Variants in ANK3 observed in about 807,000 individuals in gnomAD.
ANK3 encodes ankyrin-3.
ANK3 carries 57 observed loss-of-function variants against 370.9 expected under a neutral mutation model. The observed-to-expected ratio is 0.15, with a 90% confidence interval of 0.12 to 0.19. The LOEUF (loss-of-function observed/expected upper bound fraction) is 0.19. Ranked by LOEUF, ANK3 falls within the 10% of genes least tolerant of loss-of-function variation. ANK3 has a pLI of 1.00. For missense variants in ANK3, 4,439 were observed against 5,302.1 expected (o/e 0.84, Z 5.06); for synonymous variants, 1,929 against 1,946.3 (o/e 0.99, Z 0.23).
intron 1 of ANK3, among the ~76,000 whole-genome samples, chr10:60,285,042 A>G (rs2098223943): frequency 6.6e-6 from 1 of 152,092 alleles, no homozygotes; most frequent in South Asian, 2.1e-4. Flanking sequence ...CTTGCAAGTG[A>G]TGATCGCCTC....
At chr10:60,463,015 C>T (rs1452264658) in intron 2 of ANK3, among the ~76,000 whole-genome samples, 3 of 152,208 alleles carry the variant, frequency 2.0e-5, no homozygotes, top group Middle Eastern at 6.8e-3. Flanking sequence ...GTGATCCTCC[C>T]ACCTCAGTCT....
At chr10:60,105,563 T>C (rs1026111427) in intron 28 of ANK3, among the ~76,000 whole-genome samples, 2 of 152,220 alleles carry the variant, frequency 1.3e-5, no homozygotes, top group Non-Finnish European at 2.9e-5. Context: ...ACATATTTTC[T>C]TCAAAATGCT....
At chr10:60,176,389 G>C (rs1347820139) in intron 18 of ANK3, among the ~76,000 whole-genome samples, 1 of 138,468 alleles carries the variant, frequency 7.2e-6, no homozygotes, top group African/African-American at 2.7e-5. Flanking sequence ...AAAAAAGAAA[G>C]AAAAAAAAAC....
intron 23 of ANK3, chr10:60,140,396 T>C (rs569791419): frequency 5.9e-5 from 95 of 1,613,770 alleles, no homozygotes; most frequent in Non-Finnish European, 7.7e-5. Context: ...ATCAAATGTT[T>C]TCCTGATGTT....
In ANK3 at chr10:60,075,346, A is replaced by T; in HGVS notation, c.5535T>A (p.Phe1845Leu). ...ACAGCAAGGCTGCTGCTGATTTTGT[A>T]AATGAATTAGAGTCTGGAAGTTTCT... ...ALKKLPDSNS[F>L]TKSAAALLSP... Residue 1845 changes from phenylalanine to leucine, a missense_variant, in exon 37 of 44, where the codon TTT becomes TTA. By Grantham distance (22) the Phe-to-Leu change is conservative. This residue lies in a region of ANK3 where 679 missense variants were observed against 791.0 expected (regional missense o/e 0.86). Transcript: ENST00000280772. 1 of 1,614,142 alleles carries T rather than the reference A, an allele frequency of 6.2e-7. No individual in the cohort carries two copies. Among genetic ancestry groups the T allele is most frequent in the Non-Finnish European group, 8.5e-7 (1 of 1,180,012 alleles).
Position 60,026,620 on chromosome 10 carries a change from GGAT to G in ANK3, c.*3223_*3225del, listed in dbSNP as rs2072415951. 6.6e-6 allele frequency: 1 copy of G among 152,178 alleles called. No individual in the cohort carries two copies. The highest frequency in any genetic ancestry group is 2.1e-4 in the South Asian group (1 of 4,824). 9.4% of individuals were successfully genotyped at this position (152,178 alleles called of 1,614,324 possible). A position where few individuals can be genotyped will look rare whatever the true frequency, so the allele number is the denominator to read the frequency against. Reference sequence around the variant, plus strand: ...AATCCTCAGTCTTGATGGAACTCCAGGATGATACCAAATGAACAGCGAGGAACA... The same window carrying G: ...AATCCTCAGTCTTGATGGAACTCCAGGATACCAAATGAACAGCGAGGAACA... On this transcript the variant is annotated 3_prime_UTR_variant, in exon 44 of 44. Coordinates refer to ENST00000280772, the MANE Select transcript of ANK3 (RefSeq NM_020987.5).
intron 1 of ANK3, among the ~76,000 whole-genome samples, chr10:60,704,337 A>G (rs2079583715): frequency 6.6e-6 from 1 of 152,206 alleles, no homozygotes. Context: ...TCAATTTAAT[A>G]CCAGCTGAAA....
At chr10:60,387,261 T>C (rs1215309487) in intron 1 of ANK3, among the ~76,000 whole-genome samples, 2 of 152,132 alleles carry the variant, frequency 1.3e-5, no homozygotes, top group Non-Finnish European at 2.9e-5. Context: ...TTTATTGACA[T>C]GAGGTCTACA....
chr10:60,569,713 C>T (rs932487735), intron 2 of ANK3, among the ~76,000 whole-genome samples: 9 of 152,154 alleles, frequency 5.9e-5, no homozygotes, highest in African/African-American at 1.9e-4. Flanking sequence ...TACCCAAATG[C>T]CCTAAGCATG....
chr10:60,073,776 C>T lies in ANK3; in HGVS notation c.7105G>A (p.Asp2369Asn), dbSNP rs759636712. 1.7e-5 allele frequency: 28 copies of T among 1,613,738 alleles called. No individual in the cohort carries two copies. The highest frequency in any genetic ancestry group is 2.3e-5 in the Non-Finnish European group (27 of 1,179,980). ...YVYQKDLSRG[D>N]INLKDFLPEK... ...GGCAGAAAATCTTTTAGGTTAATATCTCCCCGGGATAAGTCTTTCTGATAT... is the reference window on the plus strand; with the variant it reads ...GGCAGAAAATCTTTTAGGTTAATATTTCCCCGGGATAAGTCTTTCTGATAT... The change falls in exon 37 of 44, where the codon GAT becomes AAT. Residue 2369 changes from aspartate (D) to asparagine (N), a missense_variant. Around this residue, in one of 13 missense-constraint regions of ANK3, gnomAD observed 1,601 missense variants for 1,731.7 expected, o/e 0.92. Coordinates refer to ENST00000280772, the MANE Select transcript of ANK3 (RefSeq NM_020987.5).
chr10:60,300,768 T>C (rs1293252159), intron 1 of ANK3, among the ~76,000 whole-genome samples: 1 of 152,156 alleles, frequency 6.6e-6, no homozygotes. Flanking sequence ...ACTCTGACAT[T>C]CCTTCTAAAG....
At chr10:60,202,908 TA>T (rs1316041937) in intron 12 of ANK3, 93 bp downstream of exon 12, 1 of 839,164 alleles carries the variant, frequency 1.2e-6, no homozygotes, top group Non-Finnish European at 1.8e-6. Flanking sequence ...CTCCAACTCT[TA>T]AAAAAATAAA....
intron 34 of ANK3, 140 bp from the exon 35 acceptor site, chr10:60,082,316 C>A: frequency 3.6e-6 from 3 of 829,138 alleles, no homozygotes; most frequent in Non-Finnish European, 3.7e-6. Context: ...TTAAAAAAAG[C>A]CAACAAAAAA....
chr10:60,374,497 C>T (rs78298088), intron 1 of ANK3, among the ~76,000 whole-genome samples: 1,805 of 152,094 alleles, frequency 0.012, 35 homozygotes, highest in African/African-American at 0.042. Flanking sequence ...ACACAAAGAC[C>T]CACAGTGACA....
At position 60,087,000 on chromosome 10, in the gene ANK3, A is replaced by AAG. The variant is rs1241616976; in HGVS notation, c.3541-117_3541-116insCT. On this transcript the variant is annotated intron_variant, in intron 29 of 43. Coordinates refer to ENST00000280772, the MANE Select transcript of ANK3 (RefSeq NM_020987.5). ...AACAAAAACAGACAACCAAAAAAAA[A>AAG]AAAAAAAAACCCAGGTCTTTTTTAA... The AAG allele has an allele frequency of 1.2e-5, 9 of 736,134 alleles. 2 individuals carry two copies. In the East Asian group the frequency reaches 2.5e-4, roughly 20 times the overall value. The allele number at this position is 736,134 out of a possible 1,614,324, so 45.6% of individuals were successfully genotyped here. A position where few individuals can be genotyped will look rare whatever the true frequency, so the allele number is the denominator to read the frequency against.
chr10:60,569,752 C>T (rs1003811042), intron 2 of ANK3, among the ~76,000 whole-genome samples: 1 of 152,122 alleles, frequency 6.6e-6, no homozygotes, highest in South Asian at 2.1e-4. Context: ...ACACTCAACA[C>T]CAACACATAA....
intron 1 of ANK3, among the ~76,000 whole-genome samples, chr10:60,659,500 C>A (rs989178926): frequency 3.7e-4 from 57 of 152,114 alleles, no homozygotes; most frequent in African/African-American, 1.3e-3. Flanking sequence ...GTTTGTGTGA[C>A]CTTATCACCT....
At chr10:60,507,786 A>T (rs1293320386) in intron 2 of ANK3, 2 of 152,116 alleles carry the variant, frequency 1.3e-5, no homozygotes, top group Non-Finnish European at 2.9e-5. Flanking sequence ...TAGCTATAAC[A>T]GTCCTATAAT....
chr10:60,288,052 C>A (rs1187667695), intron 1 of ANK3, among the ~76,000 whole-genome samples: 1 of 152,170 alleles, frequency 6.6e-6, no homozygotes, highest in Non-Finnish European at 1.5e-5. Flanking sequence ...TGAATCAACA[C>A]TAATCTTGAA....
Sources: allele counts gnomAD v4.1 joint callset (sites outside exome capture counted in the v4.1 genomes callset), GRCh38; gene constraint gnomAD v4.1.1; regional missense constraint gnomAD v4.1.1; transcripts MANE v1.5; gene names NCBI Gene and HGNC (gene_info 2026-07-23, HGNC 2026-07-21).